Variants in CCDC169 observed in about 807,000 individuals in gnomAD.
The protein encoded by CCDC169 is coiled-coil domain containing 169.
Under a neutral mutation model 36.0 loss-of-function variants are expected in CCDC169, and 30 were observed. The observed-to-expected ratio is 0.83, with a 90% confidence interval of 0.62 to 1.13. CCDC169 has a LOEUF of 1.13. Among genes scored for constraint, CCDC169 ranks in the 50% most tolerant of loss-of-function variants. The pLI is 0.00. For synonymous variants in CCDC169, 85 were observed against 81.5 expected, an observed-to-expected ratio of 1.04 and a Z score of -0.23; for missense variants, 245 against 245.9, an observed-to-expected ratio of 1.00 and a Z score of 0.03.
chr13:36,290,455 C>A (rs1281407622), intron 2 of CCDC169, among the ~76,000 whole-genome samples: 5 of 152,226 alleles, frequency 3.3e-5, no homozygotes, highest in African/African-American at 1.2e-4. Flanking sequence ...TGAAACACTG[C>A]TAATACTTTA....
At chr13:36,249,235 C>G (rs534700736) in intron 6 of CCDC169, among the ~76,000 whole-genome samples, 1 of 152,176 alleles carries the variant, frequency 6.6e-6, no homozygotes, top group East Asian at 1.9e-4. Flanking sequence ...TGAGGGTACA[C>G]AGAGAAGTAA....
At chr13:36,260,429 C>CT (rs1874472090) in intron 4 of CCDC169, among the ~76,000 whole-genome samples, 1 of 152,150 alleles carries the variant, frequency 6.6e-6, no homozygotes, top group Non-Finnish European at 1.5e-5. Context: ...GTGTATGGCA[C>CT]TTTTTTTATA....
intron 7 of CCDC169, among the ~76,000 whole-genome samples, chr13:36,243,014 G>A (rs1872035674): frequency 1.3e-5 from 2 of 152,204 alleles, no homozygotes; most frequent in Admixed American, 1.3e-4. Context: ...GAAAGGACAT[G>A]ATAAACAGAA....
At chr13:36,241,714 G>A (rs1280314326) in intron 7 of CCDC169, among the ~76,000 whole-genome samples, 2 of 148,684 alleles carry the variant, frequency 1.3e-5, no homozygotes, top group African/African-American at 2.4e-5. Context: ...GTAAATGTAT[G>A]CACCATTCTA....
intron 4 of CCDC169, among the ~76,000 whole-genome samples, chr13:36,259,048 T>C (rs1220138185): frequency 6.6e-6 from 1 of 152,158 alleles, no homozygotes; most frequent in African/African-American, 2.4e-5. Context: ...AATGTGTTCC[T>C]GTGCTGGGGC....
intron 4 of CCDC169, among the ~76,000 whole-genome samples, chr13:36,259,759 A>C (rs1158394675): frequency 6.6e-6 from 1 of 152,228 alleles, no homozygotes; most frequent in Non-Finnish European, 1.5e-5. Flanking sequence ...CTCGTGACCA[A>C]AGGTTGAAGT....
chr13:36,231,152 G>GAA lies in CCDC169; in HGVS notation c.*39_*40dup. On this transcript the variant is annotated 3_prime_UTR_variant, in exon 8 of 8. Coordinates refer to ENST00000239859, the MANE Select transcript of CCDC169 (RefSeq NM_001144981.3). ...CTTTATAACTTGAATATTATAAATG[G>GAA]AAAAAAAAAGGAAGAAATAGAAATC... 3 of 1,525,658 alleles carry GAA rather than the reference G, an allele frequency of 2.0e-6. No individual in the cohort carries two copies. The highest frequency in any genetic ancestry group is 1.3e-5 in the South Asian group (1 of 79,534). The allele number at this position is 1,525,658 out of a possible 1,614,324, so 94.5% of individuals were successfully genotyped here.
chr13:36,283,008 A>C (rs928899095), intron 4 of CCDC169: 3 of 159,434 alleles, frequency 1.9e-5, no homozygotes, highest in African/African-American at 7.2e-5. Context: ...ACATAGCCCT[A>C]GCAACTATTT....
chr13:36,267,810 A>T (rs1268987528), intron 4 of CCDC169, among the ~76,000 whole-genome samples: 1 of 152,188 alleles, frequency 6.6e-6, no homozygotes, highest in Non-Finnish European at 1.5e-5. Context: ...CTATTCTTAT[A>T]TCAGACAAAA....
intron 6 of CCDC169, among the ~76,000 whole-genome samples, chr13:36,252,294 G>T (rs933640844): frequency 2.6e-5 from 4 of 152,154 alleles, no homozygotes; most frequent in African/African-American, 9.7e-5. Context: ...ACAGACAAGA[G>T]AATGCAAGAA....
intron 4 of CCDC169, among the ~76,000 whole-genome samples, chr13:36,254,711 T>C (rs7332890): frequency 0.4 from 61,122 of 151,598 alleles, 13,009 homozygotes; most frequent in Non-Finnish European, 0.48. Flanking sequence ...CGTACAAACC[T>C]AACACTCTCT....
chr13:36,289,298 T>A (rs1878600855), intron 2 of CCDC169, among the ~76,000 whole-genome samples: 2 of 152,210 alleles, frequency 1.3e-5, no homozygotes, highest in African/African-American at 2.4e-5. Flanking sequence ...TAAATTAGCT[T>A]CTGTAACTTT....
chr13:36,239,647 A>G (rs1027034466), intron 7 of CCDC169, among the ~76,000 whole-genome samples: 1 of 152,224 alleles, frequency 6.6e-6, no homozygotes, highest in Non-Finnish European at 1.5e-5. Context: ...TTCTCATACC[A>G]ATCATTCATT....
intron 4 of CCDC169, among the ~76,000 whole-genome samples, chr13:36,257,112 T>C (rs1431067821): frequency 3.2e-5 from 4 of 124,804 alleles, no homozygotes; most frequent in Admixed American, 1.6e-4. Flanking sequence ...GAGCTGGGGA[T>C]AGGGGAGGTA....
At chr13:36,271,628 G>A (rs1420606808) in intron 4 of CCDC169, among the ~76,000 whole-genome samples, 1 of 152,030 alleles carries the variant, frequency 6.6e-6, no homozygotes, top group Non-Finnish European at 1.5e-5. Flanking sequence ...GGAATAGAAG[G>A]GTAATATTCT....
At chr13:36,285,475 G>A (rs896284337) in intron 2 of CCDC169, among the ~76,000 whole-genome samples, 3 of 152,008 alleles carry the variant, frequency 2.0e-5, no homozygotes, top group Admixed American at 6.6e-5. Context: ...GCTTGAACCC[G>A]GGAGGCAGAG....
chr13:36,264,393 A>G (rs1875001128), intron 4 of CCDC169, among the ~76,000 whole-genome samples: 1 of 152,124 alleles, frequency 6.6e-6, no homozygotes, highest in Non-Finnish European at 1.5e-5. Flanking sequence ...ATTTAATGAG[A>G]GTGATACAGC....
At chr13:36,277,954 A>G (rs1350076810) in intron 4 of CCDC169, among the ~76,000 whole-genome samples, 1 of 152,116 alleles carries the variant, frequency 6.6e-6, no homozygotes, top group Non-Finnish European at 1.5e-5. Context: ...CAAAAAAAAA[A>G]AAAAAAAGAT....
At chr13:36,229,308 C>T (rs938034028), downstream of CCDC169, among the ~76,000 whole-genome samples, 3 of 151,978 alleles carry the variant, frequency 2.0e-5, no homozygotes, top group African/African-American at 7.3e-5. Flanking sequence ...CTCAACATTC[C>T]ATCATTCTGT....
Sources: gnomAD v4.1 joint callset for allele counts (sites outside exome capture counted in the v4.1 genomes callset) on GRCh38, gnomAD v4.1.1 for gene constraint, MANE v1.5 for transcripts, NCBI Gene and HGNC (gene_info 2026-07-23, HGNC 2026-07-21) for gene names.